The following PARD3 variants were observed in gnomAD, a reference collection of about 807,000 sequenced individuals.
PARD3 encodes partitioning defective 3 homolog.
A neutral mutation model predicts 155.4 loss-of-function variants in PARD3; 75 were observed. The observed-to-expected ratio is 0.48, with a 90% CI of 0.40 to 0.58. PARD3 has a LOEUF of 0.58. PARD3 is among the 20% of genes least tolerant of loss of function. The probability of loss-of-function intolerance (pLI) is 0.00; values close to 1 mark genes in which losing one functional copy is unlikely to be tolerated. For missense variants in PARD3, 1,642 were observed against 1,721.7 expected (o/e 0.95, Z 0.82); for synonymous variants, 576 against 610.5 (o/e 0.94, Z 0.83).
chr10:34,709,781 C>T (rs2094424211), intron 1 of PARD3, among the ~76,000 whole-genome samples: 1 of 152,130 alleles, frequency 6.6e-6, no homozygotes, highest in Admixed American at 6.6e-5. Context: ...CCCGGGGCCT[C>T]CTATCTCCCA....
At chr10:34,545,093 G>T (rs1589955296) in intron 2 of PARD3, among the ~76,000 whole-genome samples, 1 of 152,286 alleles carries the variant, frequency 6.6e-6, no homozygotes, top group East Asian at 1.9e-4. Context: ...GCATAATGCT[G>T]TTCCCTCTTC....
chr10:34,490,102 T>C (rs771414944), intron 3 of PARD3, among the ~76,000 whole-genome samples: 9 of 152,142 alleles, frequency 5.9e-5, no homozygotes, highest in Non-Finnish European at 1.0e-4. Flanking sequence ...CTACCATCAC[T>C]GCCATCACAC....
At chr10:34,504,184 C>G (rs2080894792) in intron 3 of PARD3, among the ~76,000 whole-genome samples, 1 of 151,832 alleles carries the variant, frequency 6.6e-6, no homozygotes, top group South Asian at 2.1e-4. Flanking sequence ...GGCTACAATG[C>G]AGTGGTATGA....
chr10:34,329,483 AAACTC>A (rs1835386562), intron 19 of PARD3, among the ~76,000 whole-genome samples: 1 of 152,154 alleles, frequency 6.6e-6, no homozygotes, highest in African/African-American at 2.4e-5. Context: ...CAAAGAGAAA[AAACTC>A]AATAGGGTCG....
chr10:34,495,718 G>C (rs1203746551), intron 3 of PARD3, among the ~76,000 whole-genome samples: 1 of 151,986 alleles, frequency 6.6e-6, no homozygotes, highest in Non-Finnish European at 1.5e-5. Context: ...AGTCAGCTTA[G>C]AGGGGTCTGG....
At chr10:34,389,829 A>T (rs561533746) in intron 7 of PARD3, among the ~76,000 whole-genome samples, 28 of 152,320 alleles carry the variant, frequency 1.8e-4, no homozygotes, top group Admixed American at 1.8e-3. Context: ...TTTAAATCTT[A>T]ATTTTTTTTT....
intron 2 of PARD3, among the ~76,000 whole-genome samples, chr10:34,666,699 A>C (rs918254080): frequency 6.9e-6 from 1 of 144,188 alleles, no homozygotes; most frequent in Non-Finnish European, 1.5e-5. Context: ...TTTCAATCTG[A>C]CCTTGTTTGG....
chr10:34,806,197 A>T (rs1303415661), intron 1 of PARD3, among the ~76,000 whole-genome samples: 1 of 130,344 alleles, frequency 7.7e-6, no homozygotes. Flanking sequence ...TGTCTGGCTA[A>T]TTTTTTTTTT....
intron 1 of PARD3, among the ~76,000 whole-genome samples, chr10:34,726,422 C>T (rs1255961406): frequency 6.6e-6 from 1 of 152,198 alleles, no homozygotes; most frequent in Non-Finnish European, 1.5e-5. Context: ...CCCATCTCTA[C>T]TAAAAATACA....
chr10:34,184,126 CTTT>C (rs1950383349), intron 22 of PARD3, among the ~76,000 whole-genome samples: 1 of 152,182 alleles, frequency 6.6e-6, no homozygotes, highest in Non-Finnish European at 1.5e-5. Context: ...TCTGCACATC[CTTT>C]TATACTGGGA....
rs1199803773 is a variant in PARD3 at position 34,284,128 on chromosome 10, A to G, written c.3176+7T>C. On this transcript the variant is annotated splice_region_variant and intron_variant, in intron 21 of 24. Coordinates refer to ENST00000374788, the MANE Select transcript of PARD3 (RefSeq NM_001184785.2). ...TAAGGAGGTTTAATCAAGTAACTGA[A>G]GTCTACCTCTCCTGCTCCTGCTTCA... The G allele has an allele frequency of 6.7e-7, 1 of 1,494,602 alleles. No individual in the cohort carries two copies. The highest frequency in any genetic ancestry group is 1.4e-5 in the African/African-American group (1 of 71,414). 92.6% of individuals were successfully genotyped at this position (1,494,602 alleles called of 1,614,324 possible).
At chr10:34,652,264 A>G (rs1011300233) in intron 2 of PARD3, among the ~76,000 whole-genome samples, 5 of 152,178 alleles carry the variant, frequency 3.3e-5, no homozygotes, top group Middle Eastern at 3.2e-3. Context: ...GGACAGGTTA[A>G]CTACTTTGCT....
intron 2 of PARD3, among the ~76,000 whole-genome samples, chr10:34,638,488 A>G (rs534580407): frequency 3.5e-4 from 54 of 152,324 alleles, no homozygotes; most frequent in African/African-American, 1.3e-3. Context: ...TACAAATGCT[A>G]TTATGACACC....
At chr10:34,644,438 TCTGGTGCCACAGCATGG>T (rs1425773607) in intron 2 of PARD3, among the ~76,000 whole-genome samples, 2 of 152,226 alleles carry the variant, frequency 1.3e-5, no homozygotes, top group East Asian at 3.8e-4. Context: ...AGGCTTATTC[TCTGGTGCCACAGCATGG>T]CTGGTGCCGG....
At position 34,167,002 on chromosome 10, in the gene PARD3, G is replaced by A. The variant is rs568763506; in HGVS notation, c.3420-35419C>T. Among the ~76,000 whole-genome samples the A allele has an allele frequency of 5.3e-5, 8 of 152,218 alleles. No individual in the cohort carries two copies. The South Asian group carries it at 1.0e-3, about 20-fold the overall frequency. On this transcript the variant is annotated intron_variant, in intron 22 of 24. Transcript: ENST00000374788. The stretch of plus-strand genomic sequence containing the variant: ...TGATTTGTGAGAACAAATTAAAGAC[G>A]CATGACCAATTTGTCTGGGCAGTAA...
chr10:34,252,867 G>A (rs1345919838), intron 22 of PARD3, among the ~76,000 whole-genome samples: 5 of 152,010 alleles, frequency 3.3e-5, no homozygotes, highest in Non-Finnish European at 5.9e-5. Flanking sequence ...AAATCATAGT[G>A]AACGATCAGA....
At chr10:34,621,237 T>C (rs2091657566) in intron 2 of PARD3, among the ~76,000 whole-genome samples, 1 of 152,112 alleles carries the variant, frequency 6.6e-6, no homozygotes, top group African/African-American at 2.4e-5. Context: ...GGGGGTTTCT[T>C]TGAGGGGAGG....
chr10:34,583,362 G>A (rs746773576), intron 2 of PARD3, among the ~76,000 whole-genome samples: 9 of 152,264 alleles, frequency 5.9e-5, no homozygotes, highest in South Asian at 2.1e-4. Flanking sequence ...CAAGATAGCT[G>A]CTACTCTAAG....
chr10:34,663,532 C>T (rs549693960), intron 2 of PARD3, among the ~76,000 whole-genome samples: 22 of 152,134 alleles, frequency 1.4e-4, no homozygotes, highest in African/African-American at 4.3e-4. Flanking sequence ...ATGCCTGTAC[C>T]GAAATATTTC....
Sources: allele counts gnomAD v4.1 joint callset (sites outside exome capture counted in the v4.1 genomes callset), GRCh38; gene constraint gnomAD v4.1.1; transcripts MANE v1.5; gene names NCBI Gene and HGNC (gene_info 2026-07-23, HGNC 2026-07-21).